BBX: variants seen among roughly 807,000 people sequenced by gnomAD.
The protein encoded by BBX is BBX high mobility group box domain containing.
BBX carries 30 observed loss-of-function variants against 100.2 expected under a neutral mutation model. The ratio of observed to expected loss-of-function variants is 0.30; its 90% CI spans 0.22 to 0.41. The LOEUF is 0.41. Ranked by LOEUF, BBX falls within the 10% of genes least tolerant of loss-of-function variation. The probability of loss-of-function intolerance (pLI) is 1.00; values close to 1 mark genes in which losing one functional copy is unlikely to be tolerated. For missense variants in BBX, 1,023 were observed against 1,129.8 expected, an observed-to-expected ratio of 0.91 and a Z score of 1.35; for synonymous variants, 376 against 388.1, an observed-to-expected ratio of 0.97 and a Z score of 0.37.
intron 8 of BBX, among the ~76,000 whole-genome samples, chr3:107,745,127 T>G (rs2064465023): frequency 6.6e-6 from 1 of 152,214 alleles, no homozygotes; most frequent in Non-Finnish European, 1.5e-5. Flanking sequence ...CACTTTCATC[T>G]TAATTGAAAC....
chr3:107,803,296 G>C (rs900476865), intron 17 of BBX, among the ~76,000 whole-genome samples: 4 of 152,104 alleles, frequency 2.6e-5, no homozygotes, highest in African/African-American at 9.7e-5. Flanking sequence ...TTAATAGCTA[G>C]AAGGACAGAT....
chr3:107,671,127 T>C (rs1315923983), intron 3 of BBX, among the ~76,000 whole-genome samples: 1 of 151,806 alleles, frequency 6.6e-6, no homozygotes, highest in Admixed American at 6.6e-5. Flanking sequence ...CAACCTGCGC[T>C]TCCTTCAGTG....
chr3:107,671,275 A>G (rs2059008180), intron 3 of BBX, among the ~76,000 whole-genome samples: 1 of 152,060 alleles, frequency 6.6e-6, no homozygotes, highest in African/African-American at 2.4e-5. Flanking sequence ...TTCAGATTAT[A>G]TTTTGGCTGC....
At chr3:107,735,180 C>T (rs2063559153) in intron 7 of BBX, among the ~76,000 whole-genome samples, 2 of 152,218 alleles carry the variant, frequency 1.3e-5, no homozygotes, top group African/African-American at 4.8e-5. Context: ...TATCAGTAGA[C>T]TGCATTAGCA....
At chr3:107,782,165 T>C (rs895258382) in intron 13 of BBX, among the ~76,000 whole-genome samples, 6 of 152,144 alleles carry the variant, frequency 3.9e-5, no homozygotes, top group Non-Finnish European at 8.8e-5. Context: ...TCCTTAACAA[T>C]GCATGCATGT....
intron 13 of BBX, among the ~76,000 whole-genome samples, chr3:107,787,398 A>T (rs543528206): frequency 6.6e-6 from 1 of 152,310 alleles, no homozygotes; most frequent in East Asian, 1.9e-4. Flanking sequence ...CTAAGTCAAA[A>T]ATCACATTAT....
intron 3 of BBX, among the ~76,000 whole-genome samples, chr3:107,673,726 T>C (rs932959452): frequency 1.3e-5 from 2 of 152,158 alleles, no homozygotes; most frequent in African/African-American, 4.8e-5. Flanking sequence ...ATTTCTCTTA[T>C]TCTGGATAAC....
chr3:107,720,734 A>G (rs1025641454), intron 5 of BBX, among the ~76,000 whole-genome samples: 9 of 152,050 alleles, frequency 5.9e-5, no homozygotes, highest in South Asian at 2.1e-4. Context: ...ACTCTGGGAA[A>G]GGTTTTCACT....
chr3:107,724,362 G>C (rs1321921636), intron 5 of BBX, among the ~76,000 whole-genome samples: 3 of 152,072 alleles, frequency 2.0e-5, no homozygotes, highest in Non-Finnish European at 4.4e-5. Context: ...TAGGTTGCCT[G>C]TTCACTCTGA....
intron 16 of BBX, among the ~76,000 whole-genome samples, chr3:107,800,492 A>G (rs1346662439): frequency 5.3e-5 from 8 of 152,242 alleles, no homozygotes; most frequent in Non-Finnish European, 1.2e-4. Context: ...GAAAGAAAGT[A>G]TACTCATTTG....
At chr3:107,769,866 A>G (rs2066751986) in intron 10 of BBX, among the ~76,000 whole-genome samples, 1 of 152,180 alleles carries the variant, frequency 6.6e-6, no homozygotes, top group South Asian at 2.1e-4. Context: ...CTCTAGAGTG[A>G]CGCCCAACTC....
intron 2 of BBX, among the ~76,000 whole-genome samples, chr3:107,559,918 AT>A (rs1180698205): frequency 6.6e-6 from 1 of 151,936 alleles, no homozygotes; most frequent in Middle Eastern, 3.2e-3. Context: ...TTATGTTTGT[AT>A]TTTTTGTAGA....
intron 2 of BBX, among the ~76,000 whole-genome samples, chr3:107,643,246 G>T (rs746590684): frequency 6.6e-6 from 1 of 152,154 alleles, no homozygotes; most frequent in African/African-American, 2.4e-5. Flanking sequence ...TTGCTTCAGC[G>T]TGTGTCAGTG....
In BBX at chr3:107,572,773, A is replaced by G. The variant is rs1406811499; in HGVS notation, c.-84+46375A>G. On this transcript the variant is annotated intron_variant, in intron 2 of 17. Coordinates refer to ENST00000325805, the MANE Select transcript of BBX (RefSeq NM_001142568.3). ...CCTCTATTGTTGTATTAAAAGGCTC[A>G]TTTTAAAGAATGCAAAACATCCAGG... Among the ~76,000 whole-genome samples the G allele has an allele frequency of 4.6e-5, 7 of 152,216 alleles. 1 individual carries two copies.
intron 3 of BBX, among the ~76,000 whole-genome samples, chr3:107,699,764 T>C (rs1002269777): frequency 7.2e-5 from 11 of 151,832 alleles, no homozygotes; most frequent in African/African-American, 2.4e-4. Flanking sequence ...TTCACCAGGC[T>C]CTGACATAAC....
chr3:107,755,954 A>G (rs780631491), intron 10 of BBX, among the ~76,000 whole-genome samples: 7 of 152,216 alleles, frequency 4.6e-5, no homozygotes, highest in Non-Finnish European at 8.8e-5. Context: ...ATGTAAGTCC[A>G]GCCTGAACAC....
intron 2 of BBX, among the ~76,000 whole-genome samples, chr3:107,639,657 C>T (rs2057072079): frequency 6.6e-6 from 1 of 152,148 alleles, no homozygotes; most frequent in Non-Finnish European, 1.5e-5. Flanking sequence ...AATGCCTACT[C>T]CTTTTACTTC....
intron 6 of BBX, 141 bp downstream of exon 6, chr3:107,729,101 A>T: frequency 1.2e-6 from 1 of 836,226 alleles, no homozygotes; most frequent in Non-Finnish European, 1.9e-6. Context: ...ATTTTCAAGC[A>T]TTGGATCATG....
At chr3:107,608,414 TTCTATG>T (rs1482935787) in intron 2 of BBX, among the ~76,000 whole-genome samples, 1 of 152,162 alleles carries the variant, frequency 6.6e-6, no homozygotes, top group Non-Finnish European at 1.5e-5. Flanking sequence ...CTCTATTCTG[TTCTATG>T]TCTATGTGTT....
Sources: gnomAD v4.1 joint callset for allele counts (sites outside exome capture counted in the v4.1 genomes callset) on GRCh38, gnomAD v4.1.1 for gene constraint, MANE v1.5 for transcripts, NCBI Gene and HGNC (gene_info 2026-07-23, HGNC 2026-07-21) for gene names.